SEMA3A: variants seen among roughly 807,000 people sequenced by gnomAD.
The protein encoded by SEMA3A is semaphorin 3A.
A neutral mutation model predicts 97.9 loss-of-function variants in SEMA3A; 29 were observed. That is an observed-to-expected ratio of 0.30 (90% confidence interval 0.22 to 0.40). The LOEUF (loss-of-function observed/expected upper bound fraction) is 0.40, where lower values mean the gene tolerates loss of function less well. Among genes scored for constraint, SEMA3A ranks in the 10% least tolerant of loss-of-function variants. The pLI, the probability that SEMA3A is intolerant of heterozygous loss-of-function variation, is 1.00. For missense variants in SEMA3A, 763 were observed against 951.3 expected (o/e 0.80, Z 2.60); for synonymous variants, 321 against 323.7 (o/e 0.99, Z 0.09).
At chr7:83,988,289 T>G (rs188574790) in intron 12 of SEMA3A, among the ~76,000 whole-genome samples, 5 of 152,056 alleles carry the variant, frequency 3.3e-5, no homozygotes, top group Admixed American at 6.6e-5. Flanking sequence ...TGCAGTGGCG[T>G]GATCTCGGCT....
intron 14 of SEMA3A, among the ~76,000 whole-genome samples, chr7:83,977,745 C>G (rs1789211594): frequency 6.7e-6 from 1 of 149,752 alleles, no homozygotes; most frequent in Admixed American, 6.6e-5. Flanking sequence ...TATTTTTAAG[C>G]TAGTTTTAAA....
At chr7:83,999,913 G>A (rs896647580) in intron 12 of SEMA3A, among the ~76,000 whole-genome samples, 1 of 152,066 alleles carries the variant, frequency 6.6e-6, no homozygotes, top group Admixed American at 6.6e-5. Context: ...ACTTGTGACT[G>A]TTCCTAGTTT....
chr7:84,375,382 C>T (rs980965872), intron 1 of SEMA3A, among the ~76,000 whole-genome samples: 1 of 152,136 alleles, frequency 6.6e-6, no homozygotes, highest in Admixed American at 6.5e-5. Flanking sequence ...TCATTGTTCA[C>T]GTATGCCACC....
upstream of SEMA3A, among the ~76,000 whole-genome samples, chr7:84,197,805 T>C (rs562251437): frequency 2.1e-5 from 3 of 144,576 alleles, no homozygotes; most frequent in South Asian, 6.8e-4. Context: ...AGTGGCGCGA[T>C]CTCGGCTTAC....
At chr7:84,039,974 TATATC>T (rs554449496) in intron 6 of SEMA3A, among the ~76,000 whole-genome samples, 1 of 152,158 alleles carries the variant, frequency 6.6e-6, no homozygotes, top group South Asian at 2.1e-4. Context: ...ATCTGAGAAT[TATATC>T]TTATATAATA....
intron 3 of SEMA3A, among the ~76,000 whole-genome samples, chr7:84,288,509 C>G (rs983873138): frequency 9.9e-5 from 15 of 152,044 alleles, no homozygotes; most frequent in Non-Finnish European, 2.1e-4. Context: ...ACCAGCCTGG[C>G]CAACATGGCG....
chr7:84,192,303 T>C (rs929886627), intron 1 of SEMA3A, among the ~76,000 whole-genome samples: 1 of 151,942 alleles, frequency 6.6e-6, no homozygotes, highest in African/African-American at 2.4e-5. Flanking sequence ...CAAACGTACA[T>C]GTAGAGACAA....
chr7:84,407,766 C>T (rs1305838707), intron 1 of SEMA3A, among the ~76,000 whole-genome samples: 1 of 152,134 alleles, frequency 6.6e-6, no homozygotes, highest in Admixed American at 6.5e-5. Context: ...TGATCTTTGA[C>T]AAACCTGACA....
At chr7:84,241,403 C>A (rs941054456) in intron 3 of SEMA3A, among the ~76,000 whole-genome samples, 1 of 152,090 alleles carries the variant, frequency 6.6e-6, no homozygotes, top group East Asian at 1.9e-4. Flanking sequence ...TAAATGTCTT[C>A]TTTTGAGAAG....
intron 5 of SEMA3A, among the ~76,000 whole-genome samples, chr7:84,058,802 C>T (rs532809789): frequency 5.3e-5 from 8 of 152,250 alleles, no homozygotes; most frequent in African/African-American, 1.7e-4. Context: ...GAACTTTGCT[C>T]ATTCTCTCTG....
Position 83,981,464 on chromosome 7 carries a change from A to G in SEMA3A, c.1509T>C (p.Ile503=). The part of the protein sequence containing the change: ...ELSTKQQQLY[I]GSTAGVAQLP... ...GCTGGGCAACCCCAGCCGTTGAACC[A>G]ATATATAGTTGTTGCTGTGGAAAGA... Residue 503 remains isoleucine (I), a synonymous_variant, in exon 14 of 17, where the codon ATT becomes ATC. Transcript: ENST00000265362. 1 of 1,606,550 alleles carries G rather than the reference A, an allele frequency of 6.2e-7. No homozygotes were observed. The highest frequency in any genetic ancestry group is 8.5e-7 in the Non-Finnish European group (1 of 1,176,928).
chr7:83,968,043 G>A lies in SEMA3A; in HGVS notation c.1718-4696C>T, dbSNP rs187017400. Among the ~76,000 whole-genome samples, 12 of 152,150 alleles carry A rather than the reference G, an allele frequency of 7.9e-5. No homozygotes were observed. In the East Asian group the frequency reaches 9.7e-4, roughly 12 times the overall value. ...TGATTCTTTATTAAAGCAAACAGCC[G>A]TACATATAAATGGCAGCACAGTATA... is the stretch of plus-strand genomic sequence containing the variant. On this transcript the variant is annotated intron_variant, in intron 15 of 16. Coordinates refer to ENST00000265362, the MANE Select transcript of SEMA3A (RefSeq NM_006080.3).
chr7:84,373,377 A>G (rs1296033261), intron 1 of SEMA3A, among the ~76,000 whole-genome samples: 1 of 152,158 alleles, frequency 6.6e-6, no homozygotes, highest in Non-Finnish European at 1.5e-5. Flanking sequence ...ACATGGACAT[A>G]TTTTCAACTA....
chr7:83,960,401 G>A lies in SEMA3A; in HGVS notation c.*970C>T, dbSNP rs888042467. ...TTAAATGTTCTGTTTTTTTTTCTAA[G>A]AACATTATGCAAGTAAAAATTAATT... On this transcript the variant is annotated 3_prime_UTR_variant, in exon 17 of 17. Transcript: ENST00000265362. The A allele has an allele frequency of 6.6e-6, 1 of 150,868 alleles. No homozygotes were observed. Among genetic ancestry groups the A allele is most frequent in the African/African-American group, 2.4e-5 (1 of 41,070 alleles). 9.3% of individuals were successfully genotyped at this position (150,868 alleles called of 1,614,324 possible).
intron 6 of SEMA3A, among the ~76,000 whole-genome samples, chr7:84,034,102 G>C (rs10271798): frequency 2.0e-5 from 3 of 151,726 alleles, no homozygotes; most frequent in African/African-American, 7.3e-5. Flanking sequence ...TCCTGCCTCA[G>C]CCTCCCAAGT....
intron 2 of SEMA3A, among the ~76,000 whole-genome samples, chr7:84,327,328 G>T (rs1017051377): frequency 1.3e-5 from 2 of 151,442 alleles, no homozygotes; most frequent in Non-Finnish European, 3.0e-5. Context: ...ATAATCAGGG[G>T]GCACTTCATG....
At chr7:84,159,764 G>C (rs1796969397) in intron 1 of SEMA3A, among the ~76,000 whole-genome samples, 1 of 152,066 alleles carries the variant, frequency 6.6e-6, no homozygotes, top group South Asian at 2.1e-4. Context: ...CAGGATTAAT[G>C]CTTCTTATAA....
chr7:84,247,460 A>T (rs982433667), intron 3 of SEMA3A, among the ~76,000 whole-genome samples: 1 of 152,296 alleles, frequency 6.6e-6, no homozygotes, highest in Non-Finnish European at 1.5e-5. Flanking sequence ...CAGTTATAAT[A>T]AAGTTGGTAT....
chr7:84,447,091 C>T (rs117216462), intron 1 of SEMA3A, among the ~76,000 whole-genome samples: 1 of 152,160 alleles, frequency 6.6e-6, no homozygotes, highest in Non-Finnish European at 1.5e-5. Context: ...AAAGTTGAAG[C>T]GAGCCCAGGC....
Sources: gnomAD v4.1 joint callset for allele counts (sites outside exome capture counted in the v4.1 genomes callset) on GRCh38, gnomAD v4.1.1 for gene constraint, MANE v1.5 for transcripts, NCBI Gene and HGNC (gene_info 2026-07-23, HGNC 2026-07-21) for gene names.